Variants in TMEM132D observed in about 807,000 individuals in gnomAD.
The protein encoded by TMEM132D is transmembrane protein 132D.
A neutral mutation model predicts 62.3 loss-of-function variants in TMEM132D; 21 were observed. The observed-to-expected ratio is 0.34, with a 90% CI of 0.24 to 0.49. The LOEUF (loss-of-function observed/expected upper bound fraction) is 0.49. Ranked by LOEUF, TMEM132D falls within the 20% of genes least tolerant of loss-of-function variation. The pLI is 0.99. For missense variants in TMEM132D, 1,346 were observed against 1,402.8 expected (o/e 0.96, Z 0.65); for synonymous variants, 621 against 575.6 (o/e 1.08, Z -1.13).
intron 1 of TMEM132D, among the ~76,000 whole-genome samples, chr12:129,718,923 G>T (rs1374498076): frequency 6.6e-6 from 1 of 151,970 alleles, no homozygotes; most frequent in Non-Finnish European, 1.5e-5. Context: ...TTTCAGAAAT[G>T]ATCATCTATC....
At chr12:129,585,779 G>C (rs1043309618) in intron 2 of TMEM132D, among the ~76,000 whole-genome samples, 1 of 151,784 alleles carries the variant, frequency 6.6e-6, no homozygotes, top group Admixed American at 6.6e-5. Flanking sequence ...ATCATATAAT[G>C]CATTTCCAAT....
intron 2 of TMEM132D, among the ~76,000 whole-genome samples, chr12:129,542,500 A>G (rs1157784817): frequency 6.6e-6 from 1 of 152,144 alleles, no homozygotes. Flanking sequence ...TGGTATAGAA[A>G]CGTTATAAAT....
At chr12:129,728,907 A>G (rs1366452398) in intron 1 of TMEM132D, among the ~76,000 whole-genome samples, 1 of 152,164 alleles carries the variant, frequency 6.6e-6, no homozygotes, top group Admixed American at 6.5e-5. Flanking sequence ...AGATATTACC[A>G]GCTGAAGGCC....
At chr12:129,661,085 AC>A (rs1299491636) in intron 2 of TMEM132D, among the ~76,000 whole-genome samples, 14 of 152,326 alleles carry the variant, frequency 9.2e-5, no homozygotes, top group Admixed American at 3.3e-4. Flanking sequence ...AGGAGGGAAA[AC>A]GTCACTTCTA....
At chr12:129,236,532 G>GAAAAAA (rs1268799763) in intron 4 of TMEM132D, among the ~76,000 whole-genome samples, 1 of 113,534 alleles carries the variant, frequency 8.8e-6, no homozygotes, top group African/African-American at 3.4e-5. Flanking sequence ...AAAAAAAAAA[G>GAAAAAA]AAAAAAAAAA....
chr12:129,108,974 C>T (rs139926265), intron 5 of TMEM132D, among the ~76,000 whole-genome samples: 8 of 152,302 alleles, frequency 5.3e-5, no homozygotes, highest in East Asian at 3.9e-4. Context: ...GTTTACCCCT[C>T]GATGCTCTAG....
At chr12:129,385,358 G>A (rs931526123) in intron 3 of TMEM132D, among the ~76,000 whole-genome samples, 7 of 151,830 alleles carry the variant, frequency 4.6e-5, no homozygotes, top group African/African-American at 1.7e-4. Flanking sequence ...CGCCCACCTC[G>A]GCCTCCCAAA....
intron 2 of TMEM132D, among the ~76,000 whole-genome samples, chr12:129,596,405 C>T (rs1429017693): frequency 6.6e-6 from 1 of 151,878 alleles, no homozygotes; most frequent in Non-Finnish European, 1.5e-5. Context: ...TACATGTATA[C>T]TCGTATATAA....
chr12:129,085,962 G>A (rs910567663), intron 5 of TMEM132D: 7 of 152,196 alleles, frequency 4.6e-5, no homozygotes, highest in East Asian at 1.9e-4. Context: ...TAATAGCTCC[G>A]AAAGGTATCC....
intron 4 of TMEM132D, among the ~76,000 whole-genome samples, chr12:129,308,075 C>T (rs1881885678): frequency 6.6e-6 from 1 of 152,166 alleles, no homozygotes; most frequent in African/African-American, 2.4e-5. Context: ...ATATCCTTTG[C>T]ACCTTGCCTG....
At chr12:129,225,107 G>A (rs374887900) in intron 4 of TMEM132D, among the ~76,000 whole-genome samples, 34 of 152,264 alleles carry the variant, frequency 2.2e-4, no homozygotes, top group Middle Eastern at 3.4e-3. Context: ...AATAGTGACC[G>A]TACTGTACTG....
At chr12:129,760,698 G>A (rs906725168) in intron 1 of TMEM132D, among the ~76,000 whole-genome samples, 1 of 151,510 alleles carries the variant, frequency 6.6e-6, no homozygotes, top group Non-Finnish European at 1.5e-5. Context: ...AGAATGTGCA[G>A]GTTTGCTACA....
chr12:129,873,851 C>A (rs1874330761), intron 1 of TMEM132D, among the ~76,000 whole-genome samples: 1 of 152,214 alleles, frequency 6.6e-6, no homozygotes, highest in Non-Finnish European at 1.5e-5. Flanking sequence ...CTAGGCTGAA[C>A]TGAGAATTCA....
chr12:129,592,406 G>A (rs1036455766), intron 2 of TMEM132D, among the ~76,000 whole-genome samples: 2 of 152,108 alleles, frequency 1.3e-5, no homozygotes, highest in African/African-American at 2.4e-5. Context: ...TTTTATTTTT[G>A]AAATCTTCCC....
At chr12:129,303,951 C>G (rs747144296) in intron 4 of TMEM132D, among the ~76,000 whole-genome samples, 4 of 152,156 alleles carry the variant, frequency 2.6e-5, no homozygotes, top group South Asian at 4.1e-4. Context: ...GAAATTCACC[C>G]TGCCTCCACC....
At position 129,456,592 on chromosome 12, in the gene TMEM132D, C is replaced by A. The variant is rs1873474769; in HGVS notation, c.1115+74467G>T. ...AACTGTTCTTTGTTCACAAAATTGACAATCTGAGTTTGTCCCAGAAAAGGG... is the reference window on the plus strand; with the variant it reads ...AACTGTTCTTTGTTCACAAAATTGAAAATCTGAGTTTGTCCCAGAAAAGGG... On this transcript the variant is annotated intron_variant, in intron 3 of 8. Coordinates refer to ENST00000422113, the MANE Select transcript of TMEM132D (RefSeq NM_133448.3). 3.3e-5 allele frequency among the ~76,000 whole-genome samples: 5 copies of A among 152,272 alleles called. 1 individual carries two copies. In the South Asian group the frequency reaches 1.0e-3, roughly 32 times the overall value.
At chr12:129,387,513 A>G (rs755307982) in intron 3 of TMEM132D, among the ~76,000 whole-genome samples, 15 of 152,172 alleles carry the variant, frequency 9.9e-5, no homozygotes, top group Non-Finnish European at 1.6e-4. Context: ...CAACACTAAC[A>G]ATAACACTAA....
chr12:129,858,958 T>TAAC (rs1873787953), intron 1 of TMEM132D, among the ~76,000 whole-genome samples: 1 of 122,840 alleles, frequency 8.1e-6, no homozygotes, highest in Non-Finnish European at 1.7e-5. Flanking sequence ...TGGGTGCCCT[T>TAAC]GGAGTCCGGG....
chr12:129,717,993 G>A (rs1033594068), intron 1 of TMEM132D, among the ~76,000 whole-genome samples: 13 of 152,198 alleles, frequency 8.5e-5, no homozygotes, highest in Non-Finnish European at 1.6e-4. Flanking sequence ...TCAACACGAA[G>A]GTGCGTTGTG....
Sources: allele counts gnomAD v4.1 joint callset (sites outside exome capture counted in the v4.1 genomes callset), GRCh38; gene constraint gnomAD v4.1.1; transcripts MANE v1.5; gene names NCBI Gene and HGNC (gene_info 2026-07-23, HGNC 2026-07-21).